Variants in GRK1 observed in about 807,000 individuals in gnomAD.
GRK1 encodes G protein-coupled receptor kinase 1, also known as rhodopsin kinase GRK1.
In GRK1, 28 loss-of-function variants were observed where a neutral mutation model predicts 41.7. The ratio of observed to expected loss-of-function variants is 0.67; its 90% CI spans 0.50 to 0.92. The LOEUF (loss-of-function observed/expected upper bound fraction) is 0.92, where lower values mean the gene tolerates loss of function less well. Among genes scored for constraint, GRK1 ranks in the 40% least tolerant of loss-of-function variants. GRK1 has a pLI of 0.00. For missense variants in GRK1, 703 were observed against 671.2 expected (o/e 1.05, Z -0.52); for synonymous variants, 327 against 286.7 (o/e 1.14, Z -1.42).
the GRK1 span, among the ~76,000 whole-genome samples, chr13:113,661,746 T>C: frequency 6.6e-6 from 1 of 152,226 alleles, no homozygotes; most frequent in Non-Finnish European, 1.5e-5. Flanking sequence ...ACTTAGATAA[T>C]GGGCTGCTTC....
At chr13:113,668,154 G>A in intron 1 of GRK1, 69 bp downstream of exon 1, 1 of 1,476,368 alleles carries the variant, frequency 6.8e-7, no homozygotes. Context: ...AGGGTGCAGA[G>A]GGCCCCCAGG....
chr13:113,668,107 G>A (rs959515547), intron 1 of GRK1, 22 bp downstream of exon 1: 12 of 1,583,900 alleles, frequency 7.6e-6, no homozygotes, highest in Middle Eastern at 1.8e-4. Flanking sequence ...GACCCGGCCA[G>A]CAGGGATGGG....
At chr13:113,730,075 A>G (rs2049924324) in intron 4 of GRK1, among the ~76,000 whole-genome samples, 3 of 118,688 alleles carry the variant, frequency 2.5e-5, no homozygotes, top group Admixed American at 1.7e-4. Flanking sequence ...ACAGTCCCCC[A>G]GTCCCCGTGG....
At position 113,735,060 on chromosome 13, in the gene GRK1, TC is replaced by T; in HGVS notation, c.1397-5del. The T allele has an allele frequency of 6.7e-7, 1 of 1,496,920 alleles. No individual in the cohort carries two copies. The highest frequency in any genetic ancestry group is 8.9e-7 in the Non-Finnish European group (1 of 1,120,932). The allele number at this position is 1,496,920 out of a possible 1,614,324, so 92.7% of individuals were successfully genotyped here. A position where few individuals can be genotyped will look rare whatever the true frequency, so the allele number is the denominator to read the frequency against. ...GAGCCTGGCGTCTGTGTTTTCTGTC[TC>T]CCACAGGGATGCTGATGCCCCCTTT... On this transcript the variant is annotated splice_polypyrimidine_tract_variant and splice_region_variant and intron_variant, in intron 6 of 6. Transcript: ENST00000335678.
chr13:113,660,325 G>C, the GRK1 span, among the ~76,000 whole-genome samples: 1 of 152,112 alleles, frequency 6.6e-6, no homozygotes, highest in Admixed American at 6.5e-5. Flanking sequence ...TGTCAGTGGA[G>C]ACCATATGGA....
At chr13:113,728,449 G>A (rs1309767360) in intron 4 of GRK1, among the ~76,000 whole-genome samples, 3 of 150,734 alleles carry the variant, frequency 2.0e-5, no homozygotes, top group African/African-American at 7.4e-5. Flanking sequence ...GAGTACCCAT[G>A]GCGAGGAGTA....
intron 6 of GRK1, 31 bp downstream of exon 6, chr13:113,733,116 G>T: frequency 6.6e-7 from 1 of 1,521,612 alleles, no homozygotes. Context: ...CCCGGAGAGG[G>T]TGGGGTTCTG....
intron 4 of GRK1, among the ~76,000 whole-genome samples, chr13:113,726,927 C>T (rs1261138101): frequency 3.9e-5 from 6 of 152,216 alleles, no homozygotes; most frequent in African/African-American, 1.2e-4. Flanking sequence ...TCAGCCTGGC[C>T]CTCAGGCACG....
the GRK1 span, chr13:113,652,949 T>C: frequency 6.2e-7 from 1 of 1,614,256 alleles, no homozygotes; most frequent in Non-Finnish European, 8.5e-7. Flanking sequence ...TGAGCAGTTC[T>C]GCAGCATATC....
At chr13:113,651,663 G>T in the GRK1 span, 7 of 1,609,712 alleles carry the variant, frequency 4.3e-6, no homozygotes, top group Admixed American at 1.0e-4. Flanking sequence ...CCGCGCGGCC[G>T]TACTCACCAG....
At chr13:113,730,677 C>T (rs1441888177) in intron 4 of GRK1, among the ~76,000 whole-genome samples, 3 of 152,244 alleles carry the variant, frequency 2.0e-5, no homozygotes, top group Non-Finnish European at 4.4e-5. Flanking sequence ...GACCACCTCT[C>T]TGGAGAGGAC....
intron 2 of GRK1, among the ~76,000 whole-genome samples, chr13:113,670,451 T>C (rs1484764968): frequency 6.6e-6 from 1 of 152,192 alleles, no homozygotes; most frequent in Non-Finnish European, 1.5e-5. Context: ...ATTAAGACAA[T>C]ACGTGTGAAA....
the GRK1 span, among the ~76,000 whole-genome samples, chr13:113,657,321 G>A: frequency 6.6e-6 from 1 of 152,232 alleles, no homozygotes; most frequent in Non-Finnish European, 1.5e-5. Context: ...GTCGCAGGGG[G>A]AGGTGGGGGC....
intron 6 of GRK1, among the ~76,000 whole-genome samples, chr13:113,733,835 G>C (rs561816075): frequency 5.2e-5 from 7 of 134,752 alleles, no homozygotes; most frequent in South Asian, 4.4e-4. Context: ...GTGTGTGCAC[G>C]TGCGTGTGCA....
intron 4 of GRK1, among the ~76,000 whole-genome samples, chr13:113,724,689 C>T (rs939718936): frequency 5.9e-5 from 9 of 152,212 alleles, no homozygotes; most frequent in Admixed American, 2.0e-4. Flanking sequence ...GGTCGAAGGT[C>T]TCAAAACTTT....
chr13:113,649,514 C>T, the GRK1 span: 1 of 1,537,266 alleles, frequency 6.5e-7, no homozygotes, highest in Admixed American at 2.0e-5. The surrounding 1 kb of genome is among the most constrained non-coding windows in gnomAD (Gnocchi z 4.7). Flanking sequence ...TTCGCTGCCA[C>T]CAGGGGGTTG....
At chr13:113,652,793 G>A in the GRK1 span, 1 of 1,508,454 alleles carries the variant, frequency 6.6e-7, no homozygotes, top group Non-Finnish European at 9.1e-7. Flanking sequence ...CAGGACACCT[G>A]TGCTCCTCGT....
At position 113,736,354 on chromosome 13, in the gene GRK1, A is replaced by C. The variant is rs1278418939; in HGVS notation, c.*991A>C. On this transcript the variant is annotated 3_prime_UTR_variant, in exon 7 of 7. Transcript: ENST00000335678. ...TGCTGCAACCCCTCTCTGTGTTCCC[A>C]GTAGCAGCAGCACTGGAGTCCTAAA... 3.3e-5 allele frequency: 5 copies of C among 152,282 alleles called. No homozygotes were observed. The highest frequency in any genetic ancestry group is 1.3e-4 in the Admixed American group (2 of 15,288). 9.4% of individuals were successfully genotyped at this position (152,282 alleles called of 1,614,324 possible). A position where few individuals can be genotyped will look rare whatever the true frequency, so the allele number is the denominator to read the frequency against.
At chr13:113,669,569 G>A (rs1045925228) in intron 1 of GRK1, 118 bp from the exon 2 acceptor site, 1 of 1,247,146 alleles carries the variant, frequency 8.0e-7, no homozygotes, top group African/African-American at 1.5e-5. Flanking sequence ...TTTAAAGCAT[G>A]TTTGCGACTG....
Sources: gnomAD v4.1 joint callset for allele counts (sites outside exome capture counted in the v4.1 genomes callset) on GRCh38, gnomAD v4.1.1 for gene constraint, Gnocchi (gnomAD v3.1) non-coding constraint, MANE v1.5 for transcripts, NCBI Gene and HGNC (gene_info 2026-07-23, HGNC 2026-07-21) for gene names.